Variants in CLASP1 observed in about 807,000 individuals in gnomAD.
CLASP1 encodes the protein CLIP-associating protein 1.
CLASP1 carries 38 observed loss-of-function variants against 192.3 expected under a neutral mutation model. That is an observed-to-expected ratio of 0.20 (90% CI 0.15 to 0.26). CLASP1 has a LOEUF of 0.26. Among genes scored for constraint, CLASP1 ranks in the 10% least tolerant of loss-of-function variants. The probability of loss-of-function intolerance (pLI) is 1.00; values close to 1 mark genes in which losing one functional copy is unlikely to be tolerated. For missense variants in CLASP1, 1,433 were observed against 1,932.5 expected, an observed-to-expected ratio of 0.74 and a Z score of 4.85; for synonymous variants, 691 against 712.8, an observed-to-expected ratio of 0.97 and a Z score of 0.49.
At chr2:121,399,907 T>C (rs983518019) in intron 28 of CLASP1, among the ~76,000 whole-genome samples, 1 of 152,132 alleles carries the variant, frequency 6.6e-6, no homozygotes, top group Admixed American at 6.5e-5. Flanking sequence ...TCTTAAAAAA[T>C]TCTCAAATAT....
At chr2:121,553,534 C>G (rs1000605571) in intron 2 of CLASP1, among the ~76,000 whole-genome samples, 1 of 148,740 alleles carries the variant, frequency 6.7e-6, no homozygotes, top group African/African-American at 2.5e-5. Context: ...AAACCTGTCT[C>G]CACTAAAATA....
At chr2:121,605,728 G>A (rs375133042) in exon 2 of CLASP1, 1 of 1,613,908 alleles carries the variant, frequency 6.2e-7, no homozygotes, top group Non-Finnish European at 8.5e-7. Flanking sequence ...TCACCCAAGA[G>A]GTAGCAAGTC....
exon 40 of CLASP1, chr2:121,338,096 G>A (rs1558771338): frequency 6.6e-6 from 1 of 152,304 alleles, no homozygotes; most frequent in Non-Finnish European, 1.5e-5. Context: ...TGTTAGCAAA[G>A]TCCTGGTGGG....
chr2:121,448,710 A>G (rs960089152), intron 17 of CLASP1, among the ~76,000 whole-genome samples: 2 of 152,198 alleles, frequency 1.3e-5, no homozygotes, highest in African/African-American at 2.4e-5. Context: ...CACTTATGTT[A>G]TTCTAAAACT....
At chr2:121,637,079 C>G (rs2071019029) in intron 1 of CLASP1, among the ~76,000 whole-genome samples, 1 of 152,198 alleles carries the variant, frequency 6.6e-6, no homozygotes, top group African/African-American at 2.4e-5. Flanking sequence ...AGAACATATA[C>G]TCTCCTACCC....
At chr2:121,620,084 T>A (rs563892599) in intron 1 of CLASP1, among the ~76,000 whole-genome samples, 123 of 150,990 alleles carry the variant, frequency 8.1e-4, no homozygotes, top group African/African-American at 2.8e-3. Flanking sequence ...TAGCCGGGAG[T>A]GGTGGCGCAT....
chr2:121,504,257 G>C (rs2093867150), intron 7 of CLASP1, among the ~76,000 whole-genome samples: 1 of 151,692 alleles, frequency 6.6e-6, no homozygotes, highest in Non-Finnish European at 1.5e-5. Context: ...AAAGAAAAAA[G>C]AGGCTTTCTC....
rs537046763 is a variant in CLASP1, at chr2:121,645,218, A to C, written c.-286+4154T>G. On this transcript the variant is annotated intron_variant, in intron 1 of 39. Transcript: ENST00000263710. ...AAGTAAATTAATCAATAATTCTAGAAGTGTGATATCTGTCATGGGAAATAT... is the reference window on the plus strand; with the variant it reads ...AAGTAAATTAATCAATAATTCTAGACGTGTGATATCTGTCATGGGAAATAT... 5.9e-4 allele frequency among the ~76,000 whole-genome samples: 90 copies of C among 152,328 alleles called. No homozygotes were observed. In the South Asian group the frequency reaches 0.01, roughly 18 times the overall value.
At chr2:121,570,985 G>A (rs938898178) in intron 2 of CLASP1, among the ~76,000 whole-genome samples, 3 of 151,568 alleles carry the variant, frequency 2.0e-5, no homozygotes, top group Non-Finnish European at 4.4e-5. Flanking sequence ...CAGAACCATG[G>A]CTACAAATTC....
chr2:121,364,023 C>A (rs563654077), intron 36 of CLASP1: 1 of 152,328 alleles, frequency 6.6e-6, no homozygotes, highest in South Asian at 2.1e-4. Flanking sequence ...ACAGAGCCAA[C>A]AAGGCATAAC....
At chr2:121,513,347 A>G (rs1180369790) in intron 7 of CLASP1, among the ~76,000 whole-genome samples, 1 of 152,196 alleles carries the variant, frequency 6.6e-6, no homozygotes, top group Non-Finnish European at 1.5e-5. Flanking sequence ...GAGAATTTGT[A>G]GGAGGATTTT....
chr2:121,378,518 C>T (rs887274700), intron 33 of CLASP1, among the ~76,000 whole-genome samples: 2 of 151,996 alleles, frequency 1.3e-5, no homozygotes, highest in African/African-American at 2.4e-5. Context: ...CTGGAAAGTG[C>T]ACTGAAACAG....
intron 2 of CLASP1, among the ~76,000 whole-genome samples, chr2:121,554,991 T>G (rs1483405710): frequency 6.6e-6 from 1 of 152,178 alleles, no homozygotes; most frequent in Non-Finnish European, 1.5e-5. Flanking sequence ...AAACAAGTAT[T>G]TCTTATATCT....
chr2:121,481,315 T>C (rs758417982), intron 8 of CLASP1, among the ~76,000 whole-genome samples: 2 of 151,846 alleles, frequency 1.3e-5, no homozygotes, highest in Non-Finnish European at 2.9e-5. Flanking sequence ...TAATTCAAAT[T>C]AGGCAGCCAA....
At chr2:121,526,646 A>G (rs2094582016) in intron 5 of CLASP1, among the ~76,000 whole-genome samples, 1 of 152,218 alleles carries the variant, frequency 6.6e-6, no homozygotes, top group African/African-American at 2.4e-5. Context: ...GAAAAAATTT[A>G]CAAGTAATAT....
chr2:121,572,824 G>A (rs970080002), intron 2 of CLASP1, among the ~76,000 whole-genome samples: 1 of 151,928 alleles, frequency 6.6e-6, no homozygotes, highest in Non-Finnish European at 1.5e-5. Context: ...ACCTAAACAA[G>A]AACAAAGGAG....
chr2:121,605,558 C>A (rs2064328005), intron 2 of CLASP1, 143 bp downstream of exon 2: 2 of 605,902 alleles, frequency 3.3e-6, no homozygotes, highest in South Asian at 4.2e-5. Context: ...AATGAAATAA[C>A]CCAAGGCCAC....
At chr2:121,423,703 T>C (rs1574632618) in intron 22 of CLASP1, among the ~76,000 whole-genome samples, 1 of 152,228 alleles carries the variant, frequency 6.6e-6, no homozygotes, top group African/African-American at 2.4e-5. Flanking sequence ...ACCTTTTCTA[T>C]GATTGTATCC....
intron 5 of CLASP1, 21 bp from the exon 6 acceptor site, chr2:121,525,941 T>C (rs1193011301): frequency 6.3e-7 from 1 of 1,584,960 alleles, no homozygotes; most frequent in Non-Finnish European, 8.7e-7. Context: ...AAGGAGTGCT[T>C]TCTTGTTAGT....
Sources: gnomAD v4.1 joint callset for allele counts (sites outside exome capture counted in the v4.1 genomes callset) on GRCh38, gnomAD v4.1.1 for gene constraint, MANE v1.5 for transcripts, NCBI Gene and HGNC (gene_info 2026-07-23, HGNC 2026-07-21) for gene names.